PRR5L: variants seen among roughly 807,000 people sequenced by gnomAD.
The protein encoded by PRR5L is proline-rich protein 5-like.
Under a neutral mutation model 36.4 loss-of-function variants are expected in PRR5L, and 21 were observed. The ratio of observed to expected loss-of-function variants is 0.58; its 90% CI spans 0.41 to 0.83. The LOEUF is 0.83. PRR5L is among the 40% of genes least tolerant of loss of function. The pLI, the probability that PRR5L is intolerant of heterozygous loss-of-function variation, is 0.00. For synonymous variants in PRR5L, 188 were observed against 197.0 expected, an observed-to-expected ratio of 0.95 and a Z score of 0.38; for missense variants, 381 against 473.3, an observed-to-expected ratio of 0.80 and a Z score of 1.81.
intron 5 of PRR5L, 119 bp downstream of exon 5, chr11:36,432,029 G>C (rs535411315): frequency 5.2e-6 from 4 of 772,234 alleles, no homozygotes; most frequent in Non-Finnish European, 8.8e-6. Context: ...CACCCTGTCC[G>C]TTTCCTCCCT....
rs185436590 is a variant in PRR5L, at chr11:36,435,041, C to A, written c.353-2344C>A. Among the ~76,000 whole-genome samples the A allele has an allele frequency of 5.7e-3, 870 of 152,216 alleles. 8 individuals carry two copies. The highest frequency in any genetic ancestry group is 6.6e-3 in the Non-Finnish European group (448 of 68,024). On this transcript the variant is annotated intron_variant, in intron 5 of 8. Transcript: ENST00000530639. ...CTCCTTCAGGTCAAGAGGGCCTCTG[C>A]TTGTCTTGGTTGTAGAAGGCTTAAG...
chr11:36,451,829 C>G (rs1858951474), intron 8 of PRR5L, among the ~76,000 whole-genome samples: 1 of 152,104 alleles, frequency 6.6e-6, no homozygotes, highest in South Asian at 2.1e-4. Context: ...CACCACATGG[C>G]AAGGAAAGGG....
chr11:36,316,898 T>C (rs1214078577), intron 1 of PRR5L, among the ~76,000 whole-genome samples: 1 of 152,198 alleles, frequency 6.6e-6, no homozygotes, highest in African/African-American at 2.4e-5. Flanking sequence ...CTAAATTCCT[T>C]CCTAAGGTTA....
chr11:36,400,099 A>G (rs1857758677), intron 1 of PRR5L, among the ~76,000 whole-genome samples: 1 of 152,190 alleles, frequency 6.6e-6, no homozygotes, highest in Admixed American at 6.5e-5. Context: ...CTTGAACCCA[A>G]CCCTGCAGGG....
intron 8 of PRR5L, chr11:36,454,650 G>A (rs1208591311): frequency 6.6e-6 from 1 of 152,284 alleles, no homozygotes; most frequent in African/African-American, 2.4e-5. Flanking sequence ...CATCCTCCAA[G>A]GTACTGTTGT....
chr11:36,448,979 C>T (rs914395325), intron 7 of PRR5L, among the ~76,000 whole-genome samples: 2 of 152,204 alleles, frequency 1.3e-5, no homozygotes, highest in Non-Finnish European at 2.9e-5. Flanking sequence ...TCCCAGGGTA[C>T]TTGGAAACGC....
chr11:36,378,760 A>C (rs1170317057), intron 1 of PRR5L, among the ~76,000 whole-genome samples: 1 of 152,220 alleles, frequency 6.6e-6, no homozygotes, highest in Non-Finnish European at 1.5e-5. Flanking sequence ...TAAACTTTGC[A>C]CTGAGAGACT....
chr11:36,402,583 C>T (rs1053133895), intron 2 of PRR5L, among the ~76,000 whole-genome samples: 1 of 152,216 alleles, frequency 6.6e-6, no homozygotes, highest in African/African-American at 2.4e-5. Flanking sequence ...GAAAGCAGGA[C>T]TCTGATGATA....
intron 2 of PRR5L, among the ~76,000 whole-genome samples, chr11:36,401,743 G>GT (rs899857562): frequency 2.6e-4 from 39 of 152,214 alleles, no homozygotes; most frequent in African/African-American, 3.6e-4. Flanking sequence ...AAGAGAGCAA[G>GT]TTTTTTTTAA....
chr11:36,437,646 C>G (rs891394439), intron 6 of PRR5L, among the ~76,000 whole-genome samples, 170 bp downstream of exon 6: 1 of 152,136 alleles, frequency 6.6e-6, no homozygotes, highest in Non-Finnish European at 1.5e-5. Flanking sequence ...ATATTTAGGG[C>G]CTAACTTCAA....
rs1397489854 is a variant in PRR5L, at chr11:36,464,982, G to A, written c.*2246G>A. 6.6e-6 allele frequency: 1 copy of A among 152,262 alleles called. No homozygotes were observed. The highest frequency in any genetic ancestry group is 6.5e-5 in the Admixed American group (1 of 15,304). 9.4% of individuals were successfully genotyped at this position (152,262 alleles called of 1,614,324 possible). The stretch of plus-strand genomic sequence containing the variant: ...TGTACCTATAAAAAATTTTATTGAT[G>A]TTTATGGTCATGTTAGCTATCAGAG... On this transcript the variant is annotated 3_prime_UTR_variant, in exon 9 of 9. Transcript: ENST00000530639.
intron 1 of PRR5L, among the ~76,000 whole-genome samples, chr11:36,352,242 C>T (rs1039799647): frequency 6.6e-6 from 1 of 152,050 alleles, no homozygotes; most frequent in Non-Finnish European, 1.5e-5. Context: ...TGAGAATTGT[C>T]TCTCCATGTT....
At chr11:36,436,019 A>G (rs1160813932) in intron 5 of PRR5L, among the ~76,000 whole-genome samples, 3 of 152,214 alleles carry the variant, frequency 2.0e-5, no homozygotes, top group African/African-American at 7.2e-5. Context: ...AGTGGTTTGC[A>G]CAGGCAAGTT....
intron 1 of PRR5L, among the ~76,000 whole-genome samples, chr11:36,318,712 C>A (rs915448332): frequency 6.6e-6 from 1 of 150,898 alleles, no homozygotes; most frequent in East Asian, 2.0e-4. Flanking sequence ...TGTAGGGAGA[C>A]GGAGATTTGA....
chr11:36,387,359 A>G (rs1857476991), intron 1 of PRR5L, among the ~76,000 whole-genome samples: 1 of 152,150 alleles, frequency 6.6e-6, no homozygotes, highest in African/African-American at 2.4e-5. Context: ...TGGCACATGT[A>G]TACATATGTA....
rs369296822 is a variant in PRR5L, at chr11:36,341,625, T to C, written c.-126+45187T>C. Among the ~76,000 whole-genome samples, 400 of 152,296 alleles carry C rather than the reference T, an allele frequency of 2.6e-3. 1 individual carries two copies. Among genetic ancestry groups the C allele is most frequent in the African/African-American group, 9.3e-3 (387 of 41,566 alleles). ...AATTCTGAATCTGGCCAAGTGACCA[T>C]GAGCTTGTTTCTTGCTGCACAAAAT... On this transcript the variant is annotated intron_variant, in intron 1 of 8. Transcript: ENST00000530639.
At chr11:36,315,267 G>A (rs1004137317) in intron 1 of PRR5L, among the ~76,000 whole-genome samples, 1 of 152,182 alleles carries the variant, frequency 6.6e-6, no homozygotes, top group Non-Finnish European at 1.5e-5. Flanking sequence ...CTAGTCCAAT[G>A]TAAGAATTTA....
rs1356122530 is a variant in PRR5L, at chr11:36,463,109, AC to A, written c.*374del. 1 of 186,750 alleles carries A rather than the reference AC, an allele frequency of 5.4e-6. No individual in the cohort carries two copies. Among genetic ancestry groups the A allele is most frequent in the Non-Finnish European group, 1.1e-5 (1 of 91,346 alleles). 11.6% of individuals were successfully genotyped at this position (186,750 alleles called of 1,614,324 possible). ...TCTGGAGCAGGAGGTTGTCAGGACA[AC>A]ACATATAACCACCAAGGATGTGTTG... On this transcript the variant is annotated 3_prime_UTR_variant, in exon 9 of 9. Transcript: ENST00000530639.
chr11:36,381,059 T>G (rs1244923476), intron 1 of PRR5L, among the ~76,000 whole-genome samples: 1 of 152,268 alleles, frequency 6.6e-6, no homozygotes, highest in Non-Finnish European at 1.5e-5. Context: ...TATTTACTCG[T>G]GTATTAAACT....
Sources: allele counts gnomAD v4.1 joint callset (sites outside exome capture counted in the v4.1 genomes callset), GRCh38; gene constraint gnomAD v4.1.1; transcripts MANE v1.5; gene names NCBI Gene and HGNC (gene_info 2026-07-23, HGNC 2026-07-21).